The following PHACTR3 variants were observed in gnomAD, a reference collection of about 807,000 sequenced individuals.
PHACTR3 encodes protein phosphatase 1, regulatory subunit 123.
In PHACTR3, 16 loss-of-function variants were observed where a neutral mutation model predicts 66.8. The observed-to-expected ratio is 0.24, with a 90% CI of 0.16 to 0.36. The LOEUF is 0.36. PHACTR3 is among the 10% of genes least tolerant of loss of function. PHACTR3 has a pLI of 1.00. For missense variants in PHACTR3, 647 were observed against 719.9 expected (o/e 0.90, Z 1.16); for synonymous variants, 323 against 292.1 (o/e 1.11, Z -1.08).
intron 8 of PHACTR3, among the ~76,000 whole-genome samples, chr20:59,819,531 G>A (rs1600712686): frequency 6.8e-6 from 1 of 146,428 alleles, no homozygotes; most frequent in East Asian, 2.0e-4. Context: ...TTGAGACCCT[G>A]TCGTTAAAAA....
intron 7 of PHACTR3, among the ~76,000 whole-genome samples, chr20:59,774,722 G>A (rs186315582): frequency 6.6e-6 from 1 of 151,562 alleles, no homozygotes; most frequent in East Asian, 1.9e-4. Context: ...CGGTGAAATT[G>A]TTTTGAGAGT....
intron 1 of PHACTR3, among the ~76,000 whole-genome samples, chr20:59,583,810 G>T (rs2032933594): frequency 6.6e-6 from 1 of 152,224 alleles, no homozygotes; most frequent in African/African-American, 2.4e-5. Context: ...AGGGGGAGTT[G>T]CCCTTTGGAA....
At chr20:59,832,725 G>T (rs1156973126) in intron 8 of PHACTR3, among the ~76,000 whole-genome samples, 1 of 152,144 alleles carries the variant, frequency 6.6e-6, no homozygotes, top group African/African-American at 2.4e-5. Context: ...TCCTGCCCCT[G>T]CTCAGCCTCG....
chr20:59,701,089 G>A (rs2146610661), intron 1 of PHACTR3, among the ~76,000 whole-genome samples: 1 of 152,290 alleles, frequency 6.6e-6, no homozygotes, highest in South Asian at 2.1e-4. Context: ...ATTGCGTCCA[G>A]CTCTTTTTCC....
chr20:59,734,282 G>C (rs573007133), intron 1 of PHACTR3, among the ~76,000 whole-genome samples: 1 of 152,162 alleles, frequency 6.6e-6, no homozygotes, highest in Non-Finnish European at 1.5e-5. Flanking sequence ...TTAAGAGACA[G>C]GGTCTTGCTC....
chr20:59,616,812 TAAC>T (rs772607058), intron 1 of PHACTR3, among the ~76,000 whole-genome samples: 1 of 152,184 alleles, frequency 6.6e-6, no homozygotes, highest in Non-Finnish European at 1.5e-5. Flanking sequence ...TGATGTGAAA[TAAC>T]AAAAGATTTA....
At chr20:59,663,365 G>A (rs1373462135) in intron 1 of PHACTR3, among the ~76,000 whole-genome samples, 1 of 152,198 alleles carries the variant, frequency 6.6e-6, no homozygotes, top group Non-Finnish European at 1.5e-5. Flanking sequence ...ACTGGGTGGA[G>A]ACGTGGAGGA....
At chr20:59,756,477 C>T (rs1234330980) in intron 4 of PHACTR3, among the ~76,000 whole-genome samples, 10 of 152,180 alleles carry the variant, frequency 6.6e-5, no homozygotes, top group Non-Finnish European at 1.2e-4. Context: ...CACAACGCCC[C>T]TGCAGCGCTA....
chr20:59,790,700 T>G (rs1295432788), intron 7 of PHACTR3, among the ~76,000 whole-genome samples: 5 of 152,248 alleles, frequency 3.3e-5, no homozygotes, highest in Admixed American at 3.3e-4. Context: ...GTGTATGGTA[T>G]GATCCTACTT....
chr20:59,624,913 C>T (rs995528380), intron 1 of PHACTR3, among the ~76,000 whole-genome samples: 2 of 152,142 alleles, frequency 1.3e-5, no homozygotes, highest in African/African-American at 4.8e-5. Flanking sequence ...CAAGTTCATA[C>T]TTTATTCCAA....
chr20:59,787,741 C>G (rs1053265661), intron 7 of PHACTR3, among the ~76,000 whole-genome samples: 1 of 152,172 alleles, frequency 6.6e-6, no homozygotes, highest in Admixed American at 6.5e-5. Flanking sequence ...GGCTTTCAGA[C>G]AGAGCCTGAC....
At chr20:59,747,670 A>T in intron 2 of PHACTR3, 88 bp from the exon 3 acceptor site, 1 of 1,486,660 alleles carries the variant, frequency 6.7e-7, no homozygotes, top group Non-Finnish European at 9.2e-7. Flanking sequence ...TTTGGTCTGT[A>T]AACTTGAGCC....
At chr20:59,795,626 G>T (rs2041233248) in intron 7 of PHACTR3, among the ~76,000 whole-genome samples, 1 of 152,012 alleles carries the variant, frequency 6.6e-6, no homozygotes. Context: ...TCTTCATTTA[G>T]ATCTAATAAT....
At chr20:59,686,569 G>C (rs2036869363) in intron 1 of PHACTR3, among the ~76,000 whole-genome samples, 1 of 150,686 alleles carries the variant, frequency 6.6e-6, no homozygotes, top group African/African-American at 2.4e-5. Flanking sequence ...GATGATGATG[G>C]TCGTGATGAT....
intron 1 of PHACTR3, among the ~76,000 whole-genome samples, chr20:59,606,369 C>T (rs1568929490): frequency 1.3e-5 from 2 of 151,110 alleles, no homozygotes; most frequent in Admixed American, 6.7e-5. Flanking sequence ...TTTGTTAAGA[C>T]TATTGACACT....
intron 1 of PHACTR3, among the ~76,000 whole-genome samples, chr20:59,654,154 T>C (rs2035543086): frequency 6.6e-6 from 1 of 152,192 alleles, no homozygotes; most frequent in Non-Finnish European, 1.5e-5. Context: ...CAGATGGTAC[T>C]TCAAAAAATA....
chr20:59,611,802 C>T (rs1029584979), intron 1 of PHACTR3, among the ~76,000 whole-genome samples: 32 of 152,238 alleles, frequency 2.1e-4, no homozygotes, highest in Admixed American at 1.4e-3. Context: ...GGGTCCCCCA[C>T]CTTCACAAGT....
chr20:59,592,727 C>T (rs879738240), intron 1 of PHACTR3, among the ~76,000 whole-genome samples: 3 of 152,172 alleles, frequency 2.0e-5, no homozygotes, highest in Non-Finnish European at 2.9e-5. Flanking sequence ...TCAAGAACAG[C>T]GTAGAGTTGG....
chr20:59,774,898 A>C (rs562352777), intron 7 of PHACTR3, among the ~76,000 whole-genome samples: 1 of 152,178 alleles, frequency 6.6e-6, no homozygotes, highest in East Asian at 1.9e-4. Context: ...ACAAAAAAAA[A>C]CTGTAACAAG....
Sources: allele counts gnomAD v4.1 joint callset (sites outside exome capture counted in the v4.1 genomes callset), GRCh38; gene constraint gnomAD v4.1.1; transcripts MANE v1.5; gene names NCBI Gene and HGNC (gene_info 2026-07-23, HGNC 2026-07-21).